MAP3K15: variants seen among roughly 807,000 people sequenced by gnomAD.
The protein encoded by MAP3K15 is mitogen-activated protein kinase kinase kinase 15.
MAP3K15 carries 124 observed loss-of-function variants against 99.5 expected under a neutral mutation model. The observed-to-expected ratio is 1.25, with a 90% CI of 1.08 to 1.45. The LOEUF (loss-of-function observed/expected upper bound fraction) is 1.45. Among genes scored for constraint, MAP3K15 ranks in the 40% most tolerant of loss-of-function variants. The probability of loss-of-function intolerance (pLI) is 0.00; values close to 1 mark genes in which losing one functional copy is unlikely to be tolerated. For missense variants in MAP3K15, 1,242 were observed against 1,079.7 expected, an observed-to-expected ratio of 1.15 and a Z score of -2.11; for synonymous variants, 494 against 439.6, an observed-to-expected ratio of 1.12 and a Z score of -1.55.
chrX:19,470,516 C>T (rs1285446050), intron 3 of MAP3K15, among the ~76,000 whole-genome samples: 12 of 98,335 alleles, frequency 1.2e-4, no homozygotes, highest in African/African-American at 4.0e-4. Flanking sequence ...CAAACCTGCA[C>T]GTTGTGCACA....
chrX:19,467,001 C>A (rs1005168644), intron 3 of MAP3K15, among the ~76,000 whole-genome samples: 7 of 110,111 alleles, frequency 6.4e-5, no homozygotes, highest in African/African-American at 2.3e-4. Context: ...TACACACAAA[C>A]TTTTTTTTTA....
chrX:19,512,522 T>G (rs2064526604), intron 1 of MAP3K15, among the ~76,000 whole-genome samples: 1 of 111,108 alleles, frequency 9.0e-6, no homozygotes, highest in Non-Finnish European at 1.9e-5. Context: ...TCACCCAGGC[T>G]GGAGTGCAGT....
chrX:19,414,269 G>C (rs2063715078), intron 10 of MAP3K15: 1 of 117,965 alleles, frequency 8.5e-6, no homozygotes, highest in African/African-American at 3.2e-5. Flanking sequence ...CCTGGTTAGA[G>C]ATTACGCGGT....
chrX:19,452,385 AAAGAG>A (rs2064059965), intron 6 of MAP3K15, among the ~76,000 whole-genome samples: 2 of 27,100 alleles, frequency 7.4e-5, no homozygotes, highest in Non-Finnish European at 1.2e-4. Context: ...AGAGAAAAGA[AAAGAG>A]AAAAGAAAAG....
intron 6 of MAP3K15, among the ~76,000 whole-genome samples, chrX:19,432,991 C>T (rs1264507679): frequency 2.7e-5 from 3 of 112,130 alleles, no homozygotes; most frequent in East Asian, 2.8e-4. Context: ...GGATTACAGG[C>T]GTGAGACACC....
intron 3 of MAP3K15, chrX:19,482,290 T>C (rs1304335236): frequency 3.7e-5 from 4 of 109,538 alleles, no homozygotes; most frequent in Non-Finnish European, 7.6e-5. Context: ...TGCACTCGAA[T>C]ATTCACAGTG....
intron 9 of MAP3K15, among the ~76,000 whole-genome samples, chrX:19,415,603 C>G (rs896511920): frequency 9.0e-6 from 1 of 111,693 alleles, no homozygotes; most frequent in Non-Finnish European, 1.9e-5. Flanking sequence ...CAGGTATGAA[C>G]TGCGCAGCTC....
intron 15 of MAP3K15, among the ~76,000 whole-genome samples, chrX:19,396,999 A>G (rs1188288579): frequency 1.8e-5 from 2 of 108,680 alleles, no homozygotes; most frequent in Admixed American, 9.9e-5. Context: ...TCCGGGGTTC[A>G]AGCGATTCTC....
chrX:19,369,194 G>T lies in MAP3K15; in HGVS notation c.3426C>A (p.Thr1142=). 8.3e-7 allele frequency: 1 copy of T among 1,211,464 alleles called. No individual in the cohort carries two copies. Among genetic ancestry groups the T allele is most frequent in the Non-Finnish European group, 1.1e-6 (1 of 895,402 alleles). The change falls in exon 25 of 29, where the codon ACC becomes ACA. Residue 1142 remains threonine, a synonymous_variant. Transcript: ENST00000338883. ...CCTTATCTACCCCTTCAGTCTCACA[G>T]GTAGGCTCAAAGTGGGCTCGGAGCT... ...IPELRAHFEP[T]CETEGVDKDM...
In MAP3K15 at chrX:19,371,461, G is replaced by A. The variant is rs1351782224; in HGVS notation, c.3178C>T (p.Arg1060Cys). ...GCCATCACCCGGTGCTCTGGGGAGC[G>A]GATGAAGTCCCTCAGGATCCCAATG... ...QIIGILRDFI[R>C]SPEHRVMATT... is the part of the protein sequence containing the mutation. Residue 1060 changes from arginine (R) to cysteine (C), a missense_variant, in exon 23 of 29, where the codon CGC becomes TGC. Coordinates refer to ENST00000338883, the MANE Select transcript of MAP3K15 (RefSeq NM_001001671.4). 7 of 1,208,724 alleles carry A rather than the reference G, an allele frequency of 5.8e-6. No individual in the cohort carries two copies. The highest frequency in any genetic ancestry group is 5.3e-5 in the African/African-American group (3 of 57,128).
intron 24 of MAP3K15, 108 bp downstream of exon 24, chrX:19,370,851 G>A (rs1043790839): frequency 1.6e-6 from 1 of 618,474 alleles, no homozygotes; most frequent in Admixed American, 3.0e-5. Context: ...TTCCAAGGAA[G>A]TAGATAACCA....
At chrX:19,417,383 C>T (rs1230742809) in intron 9 of MAP3K15, among the ~76,000 whole-genome samples, 1 of 112,281 alleles carries the variant, frequency 8.9e-6, no homozygotes, top group Non-Finnish European at 1.9e-5. Context: ...GCAAATGGCA[C>T]ACCAGGAGAT....
intron 25 of MAP3K15, among the ~76,000 whole-genome samples, chrX:19,364,172 C>T (rs2063318070): frequency 8.9e-6 from 1 of 112,061 alleles, no homozygotes; most frequent in Non-Finnish European, 1.9e-5. Flanking sequence ...GTAACTGAGG[C>T]AGAGGAGTTA....
At chrX:19,443,080 T>C (rs1371051956) in intron 6 of MAP3K15, among the ~76,000 whole-genome samples, 1 of 81,361 alleles carries the variant, frequency 1.2e-5, no homozygotes, top group Non-Finnish European at 2.2e-5. Flanking sequence ...TCGCCCAGAC[T>C]GGACTGCAGT....
intron 22 of MAP3K15, 82 bp from the exon 23 acceptor site, chrX:19,371,612 C>G (rs1317386709): frequency 1.2e-5 from 11 of 927,166 alleles, no homozygotes; most frequent in Non-Finnish European, 1.6e-5. Flanking sequence ...ACAAGATGGT[C>G]CATTTGCTAA....
chrX:19,365,289 C>G lies in MAP3K15; in HGVS notation c.3567-2439G>C, dbSNP rs148584182. Among the ~76,000 whole-genome samples, 424 of 111,673 alleles carry G rather than the reference C, an allele frequency of 3.8e-3. 2 individuals are homozygous for G. The highest frequency in any genetic ancestry group is 0.012 in the African/African-American group (382 of 30,752). On this transcript the variant is annotated intron_variant, in intron 25 of 28. Coordinates refer to ENST00000338883, the MANE Select transcript of MAP3K15 (RefSeq NM_001001671.4). ...CCCCCGATTCCAGAGGGTCCTGCCC[C>G]ACACCCAGGAGAAAGGAATGCTACT...
At chrX:19,432,608 G>A (rs141668636) in intron 6 of MAP3K15, among the ~76,000 whole-genome samples, 1,321 of 108,840 alleles carry the variant, frequency 0.012, 8 homozygotes, top group Middle Eastern at 0.057. Context: ...GGGAAAATTT[G>A]AGCACTGACA....
chrX:19,393,760 CTTTTTTTTTTTTTTTT>C (rs761246318), intron 16 of MAP3K15, among the ~76,000 whole-genome samples: 3 of 60,243 alleles, frequency 5.0e-5, no homozygotes, highest in South Asian at 9.6e-4. Context: ...CTGCCTGGCT[CTTTTTTTTTTTTTTTT>C]TTTTTTTTTT....
intron 19 of MAP3K15, among the ~76,000 whole-genome samples, chrX:19,377,834 T>C (rs761069080): frequency 2.0e-4 from 22 of 112,177 alleles, no homozygotes; most frequent in Admixed American, 4.7e-4. Context: ...CTGAGGACGG[T>C]CATTGCTGTC....
Sources: gnomAD v4.1 joint callset for allele counts (sites outside exome capture counted in the v4.1 genomes callset) on GRCh38, gnomAD v4.1.1 for gene constraint, MANE v1.5 for transcripts, NCBI Gene and HGNC (gene_info 2026-07-23, HGNC 2026-07-21) for gene names.